The following MEF2B variants were observed in gnomAD, a reference collection of about 807,000 sequenced individuals.
MEF2B encodes the protein myocyte-specific enhancer factor 2B.
In MEF2B, 15 loss-of-function variants were observed where a neutral mutation model predicts 32.2. The ratio of observed to expected loss-of-function variants is 0.47; its 90% confidence interval spans 0.31 to 0.72. The LOEUF is 0.72. MEF2B is among the 30% of genes least tolerant of loss of function. The pLI is 0.05. For missense variants in MEF2B, 441 were observed against 511.5 expected (o/e 0.86, Z 1.33); for synonymous variants, 205 against 225.6 (o/e 0.91, Z 0.82).
At chr19:19,158,372 C>CCA (rs2060134246) in intron 1 of MEF2B, among the ~76,000 whole-genome samples, 2 of 52 alleles carry the variant, frequency 0.038, no homozygotes, top group Admixed American at 0.12. Flanking sequence ...CAGGCGTGAG[C>CCA]ATGGGCGCCC....
intron 1 of MEF2B, among the ~76,000 whole-genome samples, chr19:19,163,273 A>G (rs1248696757): frequency 1.3e-5 from 2 of 151,992 alleles, no homozygotes; most frequent in Admixed American, 1.3e-4. Context: ...ATCCCACCTC[A>G]GCCTCTGGAG....
In MEF2B at chr19:19,147,216, C is replaced by A. The variant is rs748558160; in HGVS notation, c.394-33G>T. 7.1e-5 allele frequency: 51 copies of A among 718,912 alleles called. 13 individuals carry two copies. The highest frequency in any genetic ancestry group is 4.7e-5 in the Non-Finnish European group (25 of 535,934). The allele number at this position is 718,912 out of a possible 1,614,324, so 44.5% of individuals were successfully genotyped here. On this transcript the variant is annotated intron_variant, in intron 4 of 8. Coordinates refer to ENST00000424583, the MANE Select transcript of MEF2B (RefSeq NM_001145785.2). Reference sequence around the variant, plus strand: ...TAGAGAAGGGATGGGTCAGAGGACCCCAGGCCAGATGGGGGTGCCAAGTCC... The same window carrying A: ...TAGAGAAGGGATGGGTCAGAGGACCACAGGCCAGATGGGGGTGCCAAGTCC...
At chr19:19,156,722 G>C (rs1348282079) in intron 1 of MEF2B, among the ~76,000 whole-genome samples, 2 of 152,108 alleles carry the variant, frequency 1.3e-5, no homozygotes, top group African/African-American at 4.8e-5. Context: ...TGCAATTATA[G>C]CTCACTGTAG....
Position 19,145,930 on chromosome 19 carries a change from G to A in MEF2B, c.974C>T (p.Pro325Leu), listed in dbSNP as rs2060021417. Residue 325 changes from proline (P) to leucine (L), a missense_variant, in exon 9 of 9, where the codon CCG (proline) becomes CTG (leucine). Coordinates refer to ENST00000424583, the MANE Select transcript of MEF2B (RefSeq NM_001145785.2). The surrounding 1 kb of genome is among the most constrained non-coding windows in gnomAD (Gnocchi z 4.6). ...PVSIKSERLS[P>L]APGGPGDFPK... ...AAAGTCGCCGGGGCCCCCGGGGGCC[G>A]GAGAGAGGCGCTCAGACTTGATGCT... 2 of 1,442,054 alleles carry A rather than the reference G, an allele frequency of 1.4e-6. No homozygotes were observed. Among genetic ancestry groups the A allele is most frequent in the East Asian group, 2.6e-5 (1 of 37,766 alleles). The allele number at this position is 1,442,054 out of a possible 1,614,324, so 89.3% of individuals were successfully genotyped here.
At chr19:19,161,812 T>C (rs1295598919) in intron 1 of MEF2B, among the ~76,000 whole-genome samples, 1 of 141,562 alleles carries the variant, frequency 7.1e-6, no homozygotes, top group Admixed American at 7.1e-5. Flanking sequence ...TTCTTTTTTG[T>C]TTTTTTTTTT....
intron 8 of MEF2B, 63 bp downstream of exon 8, chr19:19,146,210 C>G (rs1171735908): frequency 2.1e-5 from 18 of 866,074 alleles, no homozygotes; most frequent in South Asian, 6.9e-5. Flanking sequence ...GGATGGCCAC[C>G]AGGGGTCAGC....
intron 1 of MEF2B, among the ~76,000 whole-genome samples, chr19:19,161,028 C>T (rs74841230): frequency 0.028 from 4,193 of 152,216 alleles, 82 homozygotes; most frequent in Middle Eastern, 0.058. Flanking sequence ...TGGGCTCGGG[C>T]AGTGACTCCC....
At chr19:19,159,848 C>T (rs535184692) in intron 1 of MEF2B, among the ~76,000 whole-genome samples, 1 of 152,228 alleles carries the variant, frequency 6.6e-6, no homozygotes, top group East Asian at 1.9e-4. Context: ...CACCCTTCCA[C>T]TGACCCTTCC....
chr19:19,157,487 G>A (rs1026290510), intron 1 of MEF2B, among the ~76,000 whole-genome samples: 2 of 152,140 alleles, frequency 1.3e-5, no homozygotes, highest in African/African-American at 2.4e-5. Context: ...CCAATTCGAC[G>A]ATCCCAGACT....
intron 3 of MEF2B, 136 bp from the exon 4 acceptor site, chr19:19,147,968 C>T (rs2060041888): frequency 7.1e-7 from 1 of 1,408,200 alleles, no homozygotes; most frequent in Non-Finnish European, 9.3e-7. Flanking sequence ...CTGCTCTAGC[C>T]AAACCCCACT....
In MEF2B at chr19:19,146,834, T is replaced by A; in HGVS notation, c.583A>T (p.Lys195Ter). The stretch of plus-strand genomic sequence containing the variant: ...GGCAGGTACAGTGGGGGTGGTGTCT[T>A]GCTGGTGAGGTGGCTTGGTGAGAAG... Reference protein sequence around the residue: ...PLFSPSHLTSKTPPPLYLPTE... With the variant: ...PLFSPSHLTS The change falls in exon 6 of 9, where the codon AAG becomes TAG. Residue 195 changes from lysine (K) to a stop codon, truncating the protein, a stop_gained. Coordinates refer to ENST00000424583, the MANE Select transcript of MEF2B (RefSeq NM_001145785.2). LOFTEE classifies it high-confidence loss of function. 1 of 1,613,704 alleles carries A rather than the reference T, an allele frequency of 6.2e-7. No individual in the cohort carries two copies. Among genetic ancestry groups the A allele is most frequent in the Non-Finnish European group, 8.5e-7 (1 of 1,179,874 alleles).
chr19:19,168,188 T>A (rs1422190911), intron 1 of MEF2B, among the ~76,000 whole-genome samples: 2 of 152,090 alleles, frequency 1.3e-5, no homozygotes, highest in African/African-American at 2.4e-5. Flanking sequence ...ATGCCCAAGG[T>A]CCAGGGGCCC....
chr19:19,148,229 C>T (rs189345170), intron 3 of MEF2B, among the ~76,000 whole-genome samples: 3 of 152,330 alleles, frequency 2.0e-5, no homozygotes, highest in East Asian at 1.9e-4. Context: ...TTTGGGAGGC[C>T]GAGGCAGGCA....
intron 1 of MEF2B, among the ~76,000 whole-genome samples, chr19:19,162,292 CA>C (rs749865451): frequency 7.6e-4 from 115 of 152,016 alleles, no homozygotes; most frequent in Non-Finnish European, 5.0e-4. Flanking sequence ...CAGACTATGC[CA>C]GGCTAATTTT....
At chr19:19,170,018 C>T (rs1489887292) in intron 1 of MEF2B, among the ~76,000 whole-genome samples, 187 bp downstream of exon 1, 1 of 152,184 alleles carries the variant, frequency 6.6e-6, no homozygotes, top group Non-Finnish European at 1.5e-5. Flanking sequence ...TTCAGACACA[C>T]ACCCCTTGGA....
chr19:19,148,202 G>A (rs960931526), intron 3 of MEF2B, among the ~76,000 whole-genome samples: 2 of 152,362 alleles, frequency 1.3e-5, no homozygotes, highest in African/African-American at 2.4e-5. Context: ...GGTGGCTCAC[G>A]CCTACAATCC....
rs1482488792 is a variant in MEF2B at position 19,158,461 on chromosome 19, AAC to A, written c.-29-7699_-29-7698del. ...CCCTGCCCCTAAAAAAAAAAAAAAA[AAC>A]AAACTAGGGCCAGGCCAGGCACGGT... On this transcript the variant is annotated intron_variant, in intron 1 of 8. Transcript: ENST00000424583. Among the ~76,000 whole-genome samples, 15 of 137,688 alleles carry A rather than the reference AAC, an allele frequency of 1.1e-4. No homozygotes were observed. In the South Asian group the frequency reaches 2.3e-3, roughly 21 times the overall value. 90.3% of individuals were successfully genotyped at this position (137,688 alleles called of 152,430 possible).
At chr19:19,147,871 T>A (rs1568546135) in intron 3 of MEF2B, 39 bp from the exon 4 acceptor site, 1 of 1,589,088 alleles carries the variant, frequency 6.3e-7, no homozygotes. Flanking sequence ...CCCTTACCCC[T>A]ACCCCACCCA....
intron 1 of MEF2B, among the ~76,000 whole-genome samples, chr19:19,160,335 G>C (rs570778909): frequency 2.6e-5 from 4 of 151,996 alleles, no homozygotes; most frequent in Non-Finnish European, 1.5e-5. Context: ...CTTGGAACTG[G>C]GGGCGCTGAG....
Sources: allele counts gnomAD v4.1 joint callset (sites outside exome capture counted in the v4.1 genomes callset), GRCh38; gene constraint gnomAD v4.1.1; non-coding constraint Gnocchi (gnomAD v3.1); transcripts MANE v1.5; gene names NCBI Gene and HGNC (gene_info 2026-07-23, HGNC 2026-07-21).